The following HIF1A variants were observed in gnomAD, a reference collection of about 807,000 sequenced individuals.
HIF1A encodes hypoxia inducible factor 1 subunit alpha.
HIF1A carries 24 observed loss-of-function variants against 92.7 expected under a neutral mutation model. The ratio of observed to expected loss-of-function variants is 0.26; its 90% CI spans 0.19 to 0.36. The LOEUF (loss-of-function observed/expected upper bound fraction) is 0.36, where lower values mean the gene tolerates loss of function less well. HIF1A is among the 10% of genes least tolerant of loss of function. HIF1A has a pLI of 1.00. For missense variants in HIF1A, 799 were observed against 998.5 expected, an observed-to-expected ratio of 0.80 and a Z score of 2.69; for synonymous variants, 319 against 338.7, an observed-to-expected ratio of 0.94 and a Z score of 0.64.
chr14:61,730,194 T>C (rs1053766848), intron 6 of HIF1A, among the ~76,000 whole-genome samples: 4 of 152,200 alleles, frequency 2.6e-5, no homozygotes, highest in African/African-American at 9.6e-5. Context: ...AAACACTTTT[T>C]GGTCATATTT....
intron 4 of HIF1A, among the ~76,000 whole-genome samples, chr14:61,725,826 CT>C (rs1202525524): frequency 4.5e-4 from 66 of 145,062 alleles, no homozygotes; most frequent in African/African-American, 5.8e-4. Flanking sequence ...ATTTCTGTAG[CT>C]TTTTTTTTTT....
intron 6 of HIF1A, 60 bp from the exon 7 acceptor site, chr14:61,732,358 A>T: frequency 1.8e-6 from 2 of 1,114,310 alleles, no homozygotes; most frequent in South Asian, 2.6e-5. Context: ...GGGAGGAGAA[A>T]AATTTTTCTT....
intron 1 of HIF1A, among the ~76,000 whole-genome samples, chr14:61,696,270 C>T (rs907252980): frequency 1.3e-5 from 2 of 152,284 alleles, no homozygotes; most frequent in Admixed American, 6.5e-5. Flanking sequence ...TTCCCGCCCC[C>T]ATCCTCTCCA....
At chr14:61,721,360 T>C (rs2044424840) in intron 2 of HIF1A, 149 bp from the exon 3 acceptor site, 2 of 550,614 alleles carry the variant, frequency 3.6e-6, no homozygotes, top group African/African-American at 3.8e-5. Context: ...ATAGTTTTTC[T>C]AGCTTCTGGC....
chr14:61,702,842 T>C (rs1254510755), intron 1 of HIF1A, among the ~76,000 whole-genome samples: 1 of 152,236 alleles, frequency 6.6e-6, no homozygotes, highest in East Asian at 1.9e-4. Flanking sequence ...CTGTGTTACA[T>C]CTGTATGTTA....
chr14:61,719,001 A>G (rs1358739607), intron 1 of HIF1A, among the ~76,000 whole-genome samples: 1 of 152,238 alleles, frequency 6.6e-6, no homozygotes, highest in Non-Finnish European at 1.5e-5. Flanking sequence ...TATTGTCACA[A>G]TACAACATGT....
intron 13 of HIF1A, 87 bp downstream of exon 13, chr14:61,744,900 C>T (rs896666957): frequency 5.5e-5 from 30 of 550,222 alleles, no homozygotes; most frequent in African/African-American, 4.0e-4. Context: ...TGTGTTTCCA[C>T]GTTTCTTCCA....
intron 1 of HIF1A, among the ~76,000 whole-genome samples, chr14:61,713,338 C>T (rs1337184535): frequency 6.6e-6 from 1 of 152,092 alleles, no homozygotes; most frequent in Non-Finnish European, 1.5e-5. Context: ...TAATGATCAG[C>T]TAGTGGTTCC....
chr14:61,711,990 A>G (rs368398167), intron 1 of HIF1A, among the ~76,000 whole-genome samples: 19 of 152,222 alleles, frequency 1.2e-4, no homozygotes, highest in Admixed American at 1.0e-3. Flanking sequence ...TGGGATGTTC[A>G]TTGAACAAAA....
At chr14:61,709,446 T>G (rs2044281900) in intron 1 of HIF1A, among the ~76,000 whole-genome samples, 2 of 152,226 alleles carry the variant, frequency 1.3e-5, no homozygotes, top group African/African-American at 4.8e-5. Context: ...AGATTTCATT[T>G]TCAGAAGGAA....
intron 2 of HIF1A, among the ~76,000 whole-genome samples, chr14:61,721,050 G>A (rs112501613): frequency 0.011 from 1,728 of 152,132 alleles, 36 homozygotes; most frequent in African/African-American, 0.038. Context: ...GACCAGCCTG[G>A]CCAAGATGGT....
intron 10 of HIF1A, 37 bp downstream of exon 10, chr14:61,738,410 C>G: frequency 1.4e-6 from 2 of 1,464,374 alleles, no homozygotes; most frequent in Middle Eastern, 3.6e-4. Context: ...GGACAACTTT[C>G]AGATTTTAAC....
At chr14:61,719,639 GAGTTCCCT>G (rs1364085195) in intron 1 of HIF1A, among the ~76,000 whole-genome samples, 3 of 152,164 alleles carry the variant, frequency 2.0e-5, no homozygotes, top group Admixed American at 6.5e-5. Context: ...CTTCTTGGAA[GAGTTCCCT>G]GAAGATATGT....
At chr14:61,734,318 G>A (rs1286547151) in intron 8 of HIF1A, 33 bp downstream of exon 8, 6 of 1,482,414 alleles carry the variant, frequency 4.0e-6, no homozygotes, top group Non-Finnish European at 4.6e-6. Context: ...CATTTTTGGG[G>A]AACAAATAGT....
chr14:61,710,484 A>T (rs983840562), intron 1 of HIF1A, among the ~76,000 whole-genome samples: 2 of 152,316 alleles, frequency 1.3e-5, no homozygotes, highest in African/African-American at 4.8e-5. Context: ...GGTATCCTAA[A>T]GGTTTATTTT....
At chr14:61,716,931 AAACT>A (rs2140133128) in intron 1 of HIF1A, 1 of 152,338 alleles carries the variant, frequency 6.6e-6, no homozygotes, top group African/African-American at 2.4e-5. Context: ...ATGGGTAAAC[AAACT>A]GTTTTAACTG....
At chr14:61,735,289 G>A (rs2044622311) in intron 8 of HIF1A, among the ~76,000 whole-genome samples, 2 of 152,104 alleles carry the variant, frequency 1.3e-5, no homozygotes, top group South Asian at 4.1e-4. Flanking sequence ...AAAATCTAGG[G>A]TCACTCCTCT....
At chr14:61,713,118 G>A (rs1469662670) in intron 1 of HIF1A, among the ~76,000 whole-genome samples, 1 of 152,172 alleles carries the variant, frequency 6.6e-6, no homozygotes, top group Non-Finnish European at 1.5e-5. Context: ...AGTAACTGCA[G>A]TGTGGCTGAA....
chr14:61,718,252 A>G (rs940553387), intron 1 of HIF1A, among the ~76,000 whole-genome samples: 5 of 152,202 alleles, frequency 3.3e-5, no homozygotes, highest in African/African-American at 1.2e-4. Context: ...TAGGCGTTCA[A>G]GACCAGCCTA....
Sources: gnomAD v4.1 joint callset for allele counts (sites outside exome capture counted in the v4.1 genomes callset) on GRCh38, gnomAD v4.1.1 for gene constraint, MANE v1.5 for transcripts, NCBI Gene and HGNC (gene_info 2026-07-23, HGNC 2026-07-21) for gene names.